REEP5: variants seen among roughly 807,000 people sequenced by gnomAD.
The protein encoded by REEP5 is receptor accessory protein 5.
REEP5 carries 24 observed loss-of-function variants against 22.4 expected under a neutral mutation model. The observed-to-expected ratio is 1.07, with a 90% confidence interval of 0.78 to 1.51. REEP5 has a LOEUF of 1.51. Ranked by LOEUF, REEP5 falls within the 40% of genes most tolerant of loss-of-function variation. The pLI is 0.00. For missense variants in REEP5, 252 were observed against 233.0 expected, an observed-to-expected ratio of 1.08 and a Z score of -0.53; for synonymous variants, 103 against 88.6, an observed-to-expected ratio of 1.16 and a Z score of -0.92.
intron 2 of REEP5, among the ~76,000 whole-genome samples, chr5:112,908,905 A>T (rs929083189): frequency 1.3e-4 from 20 of 149,414 alleles, no homozygotes; most frequent in African/African-American, 4.7e-4. Context: ...CAATGGTCAG[A>T]TATAATCTGT....
intron 2 of REEP5, among the ~76,000 whole-genome samples, chr5:112,912,780 A>C (rs1049964218): frequency 2.6e-5 from 4 of 152,164 alleles, no homozygotes; most frequent in Non-Finnish European, 5.9e-5. Context: ...TAGTAATTCA[A>C]AATGGTTTTC....
At chr5:112,906,305 T>G (rs1768955438) in intron 2 of REEP5, among the ~76,000 whole-genome samples, 1 of 152,176 alleles carries the variant, frequency 6.6e-6, no homozygotes, top group Admixed American at 6.5e-5. Context: ...GTCTTACACT[T>G]AAAATTAACT....
intron 4 of REEP5, among the ~76,000 whole-genome samples, chr5:112,884,294 A>T (rs1455922894): frequency 6.6e-6 from 1 of 151,728 alleles, no homozygotes; most frequent in Non-Finnish European, 1.5e-5. Flanking sequence ...ACCCCTCTAG[A>T]TCACTTCTTT....
At chr5:112,898,292 A>C (rs978897158) in intron 3 of REEP5, 1 of 152,204 alleles carries the variant, frequency 6.6e-6, no homozygotes, top group Admixed American at 6.5e-5. Flanking sequence ...ATTTTGATTG[A>C]CAGCATCATG....
chr5:112,916,577 G>C (rs542399639), intron 2 of REEP5, among the ~76,000 whole-genome samples: 1 of 152,322 alleles, frequency 6.6e-6, no homozygotes. Flanking sequence ...CCTTATTTGA[G>C]AGGAAAAATA....
At chr5:112,885,430 G>T in intron 4 of REEP5, 1 of 192,744 alleles carries the variant, frequency 5.2e-6, no homozygotes, top group East Asian at 1.5e-4. Context: ...GGGGATGGAT[G>T]CTCTGGTTAC....
rs145897030 is a variant in REEP5 at position 112,878,950 on chromosome 5, G to A, written c.521-115C>T. The A allele has an allele frequency of 7.1e-3, 10,655 of 1,506,504 alleles. 53 individuals carry two copies. The highest frequency in any genetic ancestry group is 0.012 in the Middle Eastern group (69 of 5,776). 93.3% of individuals were successfully genotyped at this position (1,506,504 alleles called of 1,614,324 possible). ...AGATAACAAAACTTGGATGACTCATGTTCAGGTGCGATCATGTTGGGGTTT... is the reference window on the plus strand; with the variant it reads ...AGATAACAAAACTTGGATGACTCATATTCAGGTGCGATCATGTTGGGGTTT... On this transcript the variant is annotated intron_variant, in intron 4 of 4. Coordinates refer to ENST00000379638, the MANE Select transcript of REEP5 (RefSeq NM_005669.5).
intron 3 of REEP5, chr5:112,895,367 T>C (rs1379503703): frequency 6.6e-6 from 1 of 152,020 alleles, no homozygotes; most frequent in Non-Finnish European, 1.5e-5. Flanking sequence ...TTGAAGAAAG[T>C]GTACAATAGA....
chr5:112,902,888 C>A (rs73222001), intron 2 of REEP5, among the ~76,000 whole-genome samples: 7,088 of 152,216 alleles, frequency 0.047, 484 homozygotes, highest in African/African-American at 0.15. Context: ...AGAATTCTCT[C>A]GTGATAACCA....
intron 2 of REEP5, among the ~76,000 whole-genome samples, chr5:112,917,384 C>T (rs1486523591): frequency 6.6e-6 from 1 of 152,186 alleles, no homozygotes; most frequent in Non-Finnish European, 1.5e-5. Flanking sequence ...AACTGGACTA[C>T]CTGTTTGATC....
At chr5:112,908,383 G>A (rs978543200) in intron 2 of REEP5, among the ~76,000 whole-genome samples, 22 of 152,242 alleles carry the variant, frequency 1.4e-4, no homozygotes, top group Admixed American at 5.2e-4. Flanking sequence ...GATTACAAGC[G>A]TAAGCCCCCG....
At chr5:112,891,817 G>C (rs1193622083) in intron 3 of REEP5, 22 of 1,588,946 alleles carry the variant, frequency 1.4e-5, no homozygotes, top group Admixed American at 3.3e-5. Flanking sequence ...TTTTATTGAA[G>C]AACAACAACT....
At chr5:112,905,286 G>A (rs941636206) in intron 2 of REEP5, among the ~76,000 whole-genome samples, 1 of 152,184 alleles carries the variant, frequency 6.6e-6, no homozygotes, top group Admixed American at 6.5e-5. Context: ...CACACCTGTA[G>A]TCCCAGCACT....
intron 3 of REEP5, among the ~76,000 whole-genome samples, chr5:112,898,850 C>T (rs1235148444): frequency 6.6e-6 from 1 of 152,136 alleles, no homozygotes; most frequent in East Asian, 1.9e-4. Context: ...TCTTTGAAAT[C>T]AACTCTTTCC....
At chr5:112,909,065 C>T (rs749996343) in intron 2 of REEP5, among the ~76,000 whole-genome samples, 5 of 151,736 alleles carry the variant, frequency 3.3e-5, no homozygotes, top group East Asian at 1.9e-4. Context: ...ACTGATTACA[C>T]TGAACTATGG....
At chr5:112,900,018 C>T (rs1768807164) in intron 3 of REEP5, among the ~76,000 whole-genome samples, 1 of 152,170 alleles carries the variant, frequency 6.6e-6, no homozygotes, top group African/African-American at 2.4e-5. Context: ...TTTCCCTATA[C>T]ATTCACCAAT....
intron 2 of REEP5, among the ~76,000 whole-genome samples, chr5:112,912,996 A>T (rs914746565): frequency 3.9e-5 from 6 of 152,208 alleles, no homozygotes; most frequent in African/African-American, 1.4e-4. Context: ...ACCAACAAAC[A>T]GTACGAGAAA....
chr5:112,908,101 G>GGTTT (rs1768998054), intron 2 of REEP5, among the ~76,000 whole-genome samples: 1 of 83,896 alleles, frequency 1.2e-5, no homozygotes, highest in African/African-American at 3.8e-5. Flanking sequence ...TTTGTTTTTT[G>GGTTT]TTTTTTTTTT....
At chr5:112,883,579 C>T (rs1768141165) in intron 4 of REEP5, among the ~76,000 whole-genome samples, 1 of 152,150 alleles carries the variant, frequency 6.6e-6, no homozygotes, top group Non-Finnish European at 1.5e-5. Flanking sequence ...CTCCTGTTTC[C>T]TAACTACACT....
Sources: gnomAD v4.1 joint callset for allele counts (sites outside exome capture counted in the v4.1 genomes callset) on GRCh38, gnomAD v4.1.1 for gene constraint, MANE v1.5 for transcripts, NCBI Gene and HGNC (gene_info 2026-07-23, HGNC 2026-07-21) for gene names.